Variants in BBX observed in about 807,000 individuals in gnomAD.
The protein encoded by BBX is HMG box transcription factor BBX.
BBX carries 30 observed loss-of-function variants against 100.2 expected under a neutral mutation model. That is an observed-to-expected ratio of 0.30 (90% CI 0.22 to 0.41). The LOEUF (loss-of-function observed/expected upper bound fraction) is 0.41. Among genes scored for constraint, BBX ranks in the 10% least tolerant of loss-of-function variants. The pLI is 1.00. For synonymous variants in BBX, 376 were observed against 388.1 expected (o/e 0.97, Z 0.37); for missense variants, 1,023 against 1,129.8 (o/e 0.91, Z 1.35).
chr3:107,599,186 G>T (rs2053884138), intron 2 of BBX: 1 of 152,346 alleles, frequency 6.6e-6, no homozygotes, highest in South Asian at 2.1e-4. Context: ...GGATGTTCAC[G>T]CTGTTTATAA....
chr3:107,744,755 G>A (rs762382089), intron 8 of BBX, 45 bp downstream of exon 8: 4 of 1,505,506 alleles, frequency 2.7e-6, no homozygotes, highest in Non-Finnish European at 2.8e-6. Flanking sequence ...AAATTGTAAA[G>A]TGGGCTTAAA....
At chr3:107,692,944 G>T (rs1281211947) in intron 3 of BBX, among the ~76,000 whole-genome samples, 4 of 150,280 alleles carry the variant, frequency 2.7e-5, no homozygotes, top group Non-Finnish European at 4.4e-5. Flanking sequence ...TTCTCTGATG[G>T]CCAGTGATGG....
chr3:107,549,758 G>C (rs1454740876), intron 2 of BBX, among the ~76,000 whole-genome samples: 1 of 152,062 alleles, frequency 6.6e-6, no homozygotes, highest in Non-Finnish European at 1.5e-5. Flanking sequence ...AGTGCTGATT[G>C]ATACTTCTCT....
intron 2 of BBX, among the ~76,000 whole-genome samples, chr3:107,594,113 G>A (rs1045669871): frequency 6.6e-6 from 1 of 152,140 alleles, no homozygotes; most frequent in African/African-American, 2.4e-5. Flanking sequence ...ACTCCAAGTT[G>A]TATCACAGAC....
At chr3:107,679,465 G>T (rs1026207873) in intron 3 of BBX, among the ~76,000 whole-genome samples, 1 of 152,072 alleles carries the variant, frequency 6.6e-6, no homozygotes, top group Non-Finnish European at 1.5e-5. Flanking sequence ...TTTCCCAGCA[G>T]CAGAGCCATT....
At chr3:107,700,411 CATCATT>C (rs57976093) in intron 3 of BBX, among the ~76,000 whole-genome samples, 35,968 of 133,568 alleles carry the variant, frequency 0.27, 5,525 homozygotes, top group East Asian at 0.65. Flanking sequence ...TTTCTTTCAT[CATCATT>C]ATTATTATTA....
intron 2 of BBX, among the ~76,000 whole-genome samples, chr3:107,535,164 A>G (rs963657651): frequency 6.6e-6 from 1 of 152,126 alleles, no homozygotes; most frequent in Non-Finnish European, 1.5e-5. Flanking sequence ...CTTTTTCTCT[A>G]TTTACCTGCC....
chr3:107,639,959 A>G (rs966771754), intron 2 of BBX, among the ~76,000 whole-genome samples: 10 of 152,228 alleles, frequency 6.6e-5, no homozygotes, highest in Non-Finnish European at 1.2e-4. Context: ...TGTGTTCACA[A>G]TGTAACTTTA....
At chr3:107,717,156 C>T (rs1287567800) in intron 5 of BBX, among the ~76,000 whole-genome samples, 2 of 152,116 alleles carry the variant, frequency 1.3e-5, no homozygotes, top group African/African-American at 2.4e-5. Context: ...GAATGGTTTA[C>T]AGTGAATGGT....
At position 107,805,794 on chromosome 3, in the gene BBX, A is replaced by T. The variant is rs2071024600; in HGVS notation, c.*337A>T. On this transcript the variant is annotated 3_prime_UTR_variant, in exon 18 of 18. Coordinates refer to ENST00000325805, the MANE Select transcript of BBX (RefSeq NM_001142568.3). ...AGCTCACCCAGCATCTCTTTTACCA[A>T]CCAGAGAGTGTGAAACTAGTTTCAT... 3 of 333,256 alleles carry T rather than the reference A, an allele frequency of 9.0e-6. No individual in the cohort carries two copies. Among genetic ancestry groups the T allele is most frequent in the Non-Finnish European group, 1.6e-5 (3 of 184,014 alleles). The allele number at this position is 333,256 out of a possible 1,614,324, so 20.6% of individuals were successfully genotyped here. A position where few individuals can be genotyped will look rare whatever the true frequency, so the allele number is the denominator to read the frequency against.
At chr3:107,738,258 A>G (rs2063798268) in intron 7 of BBX, among the ~76,000 whole-genome samples, 1 of 151,990 alleles carries the variant, frequency 6.6e-6, no homozygotes, top group Admixed American at 6.6e-5. Context: ...TAAACTGTAT[A>G]ATAAAAGTCA....
At chr3:107,786,445 A>G (rs1303139036) in intron 13 of BBX, among the ~76,000 whole-genome samples, 4 of 152,212 alleles carry the variant, frequency 2.6e-5, no homozygotes, top group Non-Finnish European at 5.9e-5. Context: ...GAATAAAGAC[A>G]GACATATAAA....
At chr3:107,639,700 C>T (rs970089105) in intron 2 of BBX, among the ~76,000 whole-genome samples, 17 of 152,082 alleles carry the variant, frequency 1.1e-4, no homozygotes, top group African/African-American at 3.9e-4. Flanking sequence ...ATTCATGGTT[C>T]CACCATGGTC....
At chr3:107,527,656 G>T (rs1365097955) in intron 2 of BBX, among the ~76,000 whole-genome samples, 4 of 152,082 alleles carry the variant, frequency 2.6e-5, no homozygotes, top group African/African-American at 4.8e-5. Flanking sequence ...ATTTTCTATG[G>T]AATATAAATA....
At chr3:107,736,825 A>G (rs1349831562) in intron 7 of BBX, among the ~76,000 whole-genome samples, 2 of 152,160 alleles carry the variant, frequency 1.3e-5, no homozygotes, top group Non-Finnish European at 2.9e-5. Flanking sequence ...CATCTTGGCT[A>G]GAACAGAAGG....
In BBX at chr3:107,773,175, G is replaced by C. The variant is rs1349278188; in HGVS notation, c.1454G>C (p.Ser485Thr). Residue 485 changes from serine (S) to threonine (T), a missense_variant, in exon 11 of 18, where the codon AGC becomes ACC. Ser to Thr is a moderately conservative substitution (Grantham distance 58). This residue lies in a region of BBX where 348 missense variants were observed against 353.2 expected (regional missense o/e 0.99). Coordinates refer to ENST00000325805, the MANE Select transcript of BBX (RefSeq NM_001142568.3). This position sits in a 1 kb window ranked among gnomAD's most constrained non-coding sequence, Gnocchi z 4.1. ...CAGTCTTCGGAATCTGACATTGAGA[G>C]CGTCATATATACCATTGAAGCCGTC... ...KRQSSESDIE[S>T]VIYTIEAVAK... is the part of the protein sequence containing the mutation. 1 of 1,614,138 alleles carries C rather than the reference G, an allele frequency of 6.2e-7. No individual in the cohort carries two copies. Among genetic ancestry groups the C allele is most frequent in the Non-Finnish European group, 8.5e-7 (1 of 1,180,010 alleles).
At chr3:107,583,447 T>C (rs2052434017) in intron 2 of BBX, among the ~76,000 whole-genome samples, 1 of 151,922 alleles carries the variant, frequency 6.6e-6, no homozygotes, top group African/African-American at 2.4e-5. Flanking sequence ...AGTGACTGAG[T>C]AGTTTTTTTT....
At position 107,523,218 on chromosome 3, in the gene BBX, A is replaced by AGCGGCGGCGGCGGCG. The variant is rs3833481; in HGVS notation, c.-156+126_-156+140dup. 3.2e-5 allele frequency: 7 copies of AGCGGCGGCGGCGGCG among 217,958 alleles called. 1 individual carries two copies. In the East Asian group the frequency reaches 4.1e-4, roughly 13 times the overall value. 13.5% of individuals were successfully genotyped at this position (217,958 alleles called of 1,614,324 possible). The stretch of plus-strand genomic sequence containing the variant: ...GCCCCAAGGACTCCGCGGCAGGAGC[A>AGCGGCGGCGGCGGCG]GCGGCGGCGGCGGCGGCGGCGGCGG... On this transcript the variant is annotated intron_variant, in intron 1 of 17. Transcript: ENST00000325805.
At position 107,781,692 on chromosome 3, in the gene BBX, GA is replaced by G. The variant is rs981157036; in HGVS notation, c.2203+3181del. Reference sequence around the variant, plus strand: ...TTTTCAGTGGAAGTAGGATCATGGAGAAAAAAAATTGTGTTGAAATTATGCC... The same window carrying G: ...TTTTCAGTGGAAGTAGGATCATGGAGAAAAAAATTGTGTTGAAATTATGCC... On this transcript the variant is annotated intron_variant, in intron 13 of 17. Coordinates refer to ENST00000325805, the MANE Select transcript of BBX (RefSeq NM_001142568.3). 1.1e-3 allele frequency among the ~76,000 whole-genome samples: 164 copies of G among 151,964 alleles called. 1 individual carries two copies. Among genetic ancestry groups the G allele is most frequent in the African/African-American group, 3.3e-3 (135 of 41,462 alleles).
Sources: allele counts gnomAD v4.1 joint callset (sites outside exome capture counted in the v4.1 genomes callset), GRCh38; gene constraint gnomAD v4.1.1; regional missense constraint gnomAD v4.1.1; non-coding constraint Gnocchi (gnomAD v3.1); transcripts MANE v1.5; gene names NCBI Gene and HGNC (gene_info 2026-07-23, HGNC 2026-07-21).